CACNA1A: variants seen among roughly 807,000 people sequenced by gnomAD.
CACNA1A encodes the protein voltage-dependent P/Q-type calcium channel subunit alpha-1A.
CACNA1A carries 57 observed loss-of-function variants against 262.4 expected under a neutral mutation model. The ratio of observed to expected loss-of-function variants is 0.22; its 90% CI spans 0.18 to 0.27. The LOEUF (loss-of-function observed/expected upper bound fraction) is 0.27. Ranked by LOEUF, CACNA1A falls within the 10% of genes least tolerant of loss-of-function variation. CACNA1A has a pLI of 1.00. For synonymous variants in CACNA1A, 1,431 were observed against 1,419.3 expected, an observed-to-expected ratio of 1.01 and a Z score of -0.18; for missense variants, 2,526 against 3,562.8, an observed-to-expected ratio of 0.71 and a Z score of 7.41.
intron 27 of CACNA1A, 48 bp from the exon 28 acceptor site, chr19:13,257,599 C>T (rs903519667): frequency 2.2e-6 from 3 of 1,336,058 alleles, no homozygotes; most frequent in Non-Finnish European, 3.1e-6. Flanking sequence ...AGGAGAGAGA[C>T]AGGGACCCAA....
rs565566081 is a variant in CACNA1A, at chr19:13,331,673, C to G, written c.1255+1196G>C. The stretch of plus-strand genomic sequence containing the variant: ...TATTATTCTGGCCTATCTCTAAATT[C>G]TTTTTTTTTCTTTTGAAACAGGGTC... On this transcript the variant is annotated intron_variant, in intron 9 of 46. Coordinates refer to ENST00000360228, the MANE Select transcript of CACNA1A (RefSeq NM_001127222.2). Among the ~76,000 whole-genome samples the G allele has an allele frequency of 3.3e-5, 5 of 151,362 alleles. No individual in the cohort carries two copies. The East Asian group carries it at 7.8e-4, about 24-fold the overall frequency.
At chr19:13,347,994 C>T (rs775545894) in intron 6 of CACNA1A, among the ~76,000 whole-genome samples, 2 of 152,160 alleles carry the variant, frequency 1.3e-5, no homozygotes, top group South Asian at 2.1e-4. Context: ...AATCACAGCT[C>T]GGTGCAGCTT....
intron 1 of CACNA1A, among the ~76,000 whole-genome samples, chr19:13,467,742 T>C (rs1489414725): frequency 6.6e-6 from 1 of 151,640 alleles, no homozygotes; most frequent in Non-Finnish European, 1.5e-5. Context: ...GTAGCTGGGA[T>C]TACAGGCACC....
intron 1 of CACNA1A, among the ~76,000 whole-genome samples, chr19:13,493,162 T>C (rs1021556003): frequency 1.3e-5 from 2 of 152,196 alleles, no homozygotes; most frequent in Non-Finnish European, 2.9e-5. Context: ...TGTTGCTTCT[T>C]GTGTGGGATC....
chr19:13,298,896 G>A lies in CACNA1A; in HGVS notation c.2737C>T (p.Pro913Ser), dbSNP rs16020. Residue 913 changes from proline to serine, a missense_variant, in exon 19 of 47, where the codon CCC becomes TCC. Transcript: ENST00000360228. ...TCGGCCTCGCCCTCCCAGAACCCGG[G>A]TTGCTCCAGGCTGCCCTCCCGGGCG... ...HHAREGSLEQ[P>S]GFWEGEAERG... 1,835 of 1,594,678 alleles carry A rather than the reference G, an allele frequency of 1.2e-3. 17 individuals are homozygous for A. In the African/African-American group the frequency reaches 0.022, roughly 19 times the overall value.
chr19:13,380,850 T>C (rs1451080359), intron 3 of CACNA1A, among the ~76,000 whole-genome samples: 1 of 151,098 alleles, frequency 6.6e-6, no homozygotes, highest in Non-Finnish European at 1.5e-5. Context: ...CTTGGCTCAC[T>C]GCAACCTCCG....
At chr19:13,406,468 TATATATATATATATATA>T (rs2060007521) in intron 3 of CACNA1A, among the ~76,000 whole-genome samples, 43 of 13,782 alleles carry the variant, frequency 3.1e-3, no homozygotes, top group South Asian at 4.4e-3. Flanking sequence ...AAAAAAATTA[TATATATATATATATATA>T]TATATATATA....
chr19:13,217,130 C>T (rs557139550), intron 38 of CACNA1A, among the ~76,000 whole-genome samples: 25 of 152,026 alleles, frequency 1.6e-4, no homozygotes, highest in African/African-American at 5.5e-4. Flanking sequence ...AACGAGACTC[C>T]GTCTCAAAAC....
At chr19:13,365,893 C>T (rs1486761221) in intron 4 of CACNA1A, 1 of 154,146 alleles carries the variant, frequency 6.5e-6, no homozygotes, top group South Asian at 2.0e-4. Flanking sequence ...TGGCCTGAAA[C>T]CCCTGGTCTC....
chr19:13,465,649 T>C (rs1462354102), intron 1 of CACNA1A, among the ~76,000 whole-genome samples: 2 of 152,078 alleles, frequency 1.3e-5, no homozygotes, highest in Non-Finnish European at 2.9e-5. Context: ...CACACCTGGC[T>C]AGTTTTTTGT....
At position 13,235,594 on chromosome 19, in the gene CACNA1A, C is replaced by T. The variant is rs184517632; in HGVS notation, c.5067+20G>A. ...ACCTGTCTTCTCAGCCCTGGGCCAGCAGCAGGGACGAGGACTCACCTTGAA... is the reference window on the plus strand; with the variant it reads ...ACCTGTCTTCTCAGCCCTGGGCCAGTAGCAGGGACGAGGACTCACCTTGAA... On this transcript the variant is annotated intron_variant, in intron 32 of 46. Coordinates refer to ENST00000360228, the MANE Select transcript of CACNA1A (RefSeq NM_001127222.2). 1.2e-3 allele frequency: 1,868 copies of T among 1,525,964 alleles called. 15 individuals carry two copies. Among genetic ancestry groups the T allele is most frequent in the African/African-American group, 0.011 (802 of 73,286 alleles). 94.5% of individuals were successfully genotyped at this position (1,525,964 alleles called of 1,614,324 possible).
Position 13,207,661 on chromosome 19 carries a change from C to T in CACNA1A, c.7173G>A (p.Pro2391=), listed in dbSNP as rs927892127. 7.6e-6 allele frequency: 11 copies of T among 1,443,596 alleles called. No individual in the cohort carries two copies. The highest frequency in any genetic ancestry group is 6.7e-5 in the South Asian group (5 of 74,788). 89.4% of individuals were successfully genotyped at this position (1,443,596 alleles called of 1,614,324 possible). Reference sequence around the variant, plus strand: ...CCTCGGACACGTGCGGGCCAGATGCCGGCCACCGGGCCCCGCCGTGTCGAC... The same window carrying T: ...CCTCGGACACGTGCGGGCCAGATGCTGGCCACCGGGCCCCGCCGTGTCGAC... ...RACRHGGARW[P]ASGPHVSEGP... The change falls in exon 47 of 47, where the codon CCG becomes CCA. Residue 2391 remains proline (P), a synonymous_variant. Coordinates refer to ENST00000360228, the MANE Select transcript of CACNA1A (RefSeq NM_001127222.2). This position sits in a 1 kb window ranked among gnomAD's most constrained non-coding sequence, Gnocchi z 5.7.
intron 19 of CACNA1A, among the ~76,000 whole-genome samples, chr19:13,296,381 G>C (rs1052943593): frequency 3.3e-5 from 5 of 152,158 alleles, no homozygotes; most frequent in African/African-American, 1.2e-4. Flanking sequence ...AGGTTAATTT[G>C]TAATAGGACA....
intron 19 of CACNA1A, among the ~76,000 whole-genome samples, chr19:13,297,341 G>C (rs2057684895): frequency 6.6e-6 from 1 of 152,178 alleles, no homozygotes; most frequent in African/African-American, 2.4e-5. Flanking sequence ...AGAGAGCCTG[G>C]GTTCAAGGAC....
chr19:13,454,824 A>G (rs1313800435), intron 2 of CACNA1A, among the ~76,000 whole-genome samples: 1 of 152,142 alleles, frequency 6.6e-6, no homozygotes, highest in African/African-American at 2.4e-5. Flanking sequence ...TTAACTGGGC[A>G]TGGTGGCACC....
intron 38 of CACNA1A, among the ~76,000 whole-genome samples, chr19:13,224,120 C>T (rs543819317): frequency 5.3e-5 from 8 of 151,754 alleles, no homozygotes; most frequent in South Asian, 2.1e-4. Context: ...GTCAGGAGTT[C>T]GAGACCAGCC....
intron 3 of CACNA1A, among the ~76,000 whole-genome samples, chr19:13,440,224 A>G (rs1374602651): frequency 6.6e-6 from 1 of 152,188 alleles, no homozygotes; most frequent in Non-Finnish European, 1.5e-5. Flanking sequence ...TTGGCGTCCC[A>G]AAGTGCTGGG....
chr19:13,318,614 G>GTGATGA (rs1404720636), intron 10 of CACNA1A, among the ~76,000 whole-genome samples: 1 of 152,102 alleles, frequency 6.6e-6, no homozygotes, highest in Non-Finnish European at 1.5e-5. Context: ...ATCCAGGCAA[G>GTGATGA]TGATGATGAT....
intron 1 of CACNA1A, among the ~76,000 whole-genome samples, chr19:13,504,767 C>T (rs962844130): frequency 6.6e-6 from 1 of 152,174 alleles, no homozygotes; most frequent in Non-Finnish European, 1.5e-5. Flanking sequence ...CTCCTGGAAT[C>T]TGGGTCATGC....
Sources: allele counts gnomAD v4.1 joint callset (sites outside exome capture counted in the v4.1 genomes callset), GRCh38; gene constraint gnomAD v4.1.1; non-coding constraint Gnocchi (gnomAD v3.1); transcripts MANE v1.5; gene names NCBI Gene and HGNC (gene_info 2026-07-23, HGNC 2026-07-21).